Variants in HMGA2 observed in about 807,000 individuals in gnomAD.
The protein encoded by HMGA2 is high mobility group protein HMGI-C.
In HMGA2, 8 loss-of-function variants were observed where a neutral mutation model predicts 19.1. The observed-to-expected ratio is 0.42, with a 90% confidence interval of 0.25 to 0.76. HMGA2 has a LOEUF of 0.76. Among genes scored for constraint, HMGA2 ranks in the 30% least tolerant of loss-of-function variants. The probability of loss-of-function intolerance (pLI) is 0.28; values close to 1 mark genes in which losing one functional copy is unlikely to be tolerated. For synonymous variants in HMGA2, 60 were observed against 48.8 expected, an observed-to-expected ratio of 1.23 and a Z score of -0.96; for missense variants, 109 against 136.3, an observed-to-expected ratio of 0.80 and a Z score of 1.00.
intron 3 of HMGA2, chr12:65,851,512 T>C (rs1871463903): frequency 3.4e-6 from 1 of 294,990 alleles, no homozygotes; most frequent in Non-Finnish European, 6.9e-6. Context: ...CGAAACTCCA[T>C]CTCAAAAACA....
At chr12:65,949,514 A>G (rs963196602) in intron 3 of HMGA2, among the ~76,000 whole-genome samples, 1 of 152,044 alleles carries the variant, frequency 6.6e-6, no homozygotes, top group Admixed American at 6.6e-5. Flanking sequence ...ATGTGTAGAT[A>G]GAATAATACA....
chr12:65,932,949 A>T (rs958931851), intron 3 of HMGA2, among the ~76,000 whole-genome samples: 5 of 152,164 alleles, frequency 3.3e-5, no homozygotes, highest in African/African-American at 1.2e-4. Context: ...CATTCAAAAC[A>T]TCAGTGATTT....
chr12:65,909,795 T>C (rs1874765011), intron 3 of HMGA2, among the ~76,000 whole-genome samples: 1 of 152,198 alleles, frequency 6.6e-6, no homozygotes, highest in Admixed American at 6.5e-5. Flanking sequence ...CATAGTTTTA[T>C]ACCCTGCTTA....
Position 65,827,940 on chromosome 12 carries a change from C to A in HMGA2, c.112-61C>A, listed in dbSNP as rs1333210942. The A allele has an allele frequency of 1.6e-5, 19 of 1,166,112 alleles. No homozygotes were observed. The Admixed American group carries it at 3.0e-4, about 19-fold the overall frequency. 72.2% of individuals were successfully genotyped at this position (1,166,112 alleles called of 1,614,324 possible). On this transcript the variant is annotated intron_variant, in intron 1 of 4. Transcript: ENST00000403681. ...CATGCAGAAAATATAGCTAAAGAGT[C>A]AGGGTCAATTTCTTTCAGACATTCT...
intron 3 of HMGA2, among the ~76,000 whole-genome samples, chr12:65,911,427 G>A (rs1441903656): frequency 6.6e-6 from 1 of 152,146 alleles, no homozygotes; most frequent in East Asian, 1.9e-4. Flanking sequence ...GTCTTCCCTG[G>A]AAACAGGTGA....
chr12:65,833,460 G>T (rs145156878), intron 2 of HMGA2, among the ~76,000 whole-genome samples: 107 of 151,212 alleles, frequency 7.1e-4, no homozygotes, highest in Admixed American at 2.2e-3. Context: ...TGCAGTGGGG[G>T]ATTTCTGGCT....
intron 3 of HMGA2, among the ~76,000 whole-genome samples, chr12:65,868,401 G>A (rs986648342): frequency 1.3e-5 from 2 of 151,904 alleles, no homozygotes; most frequent in African/African-American, 4.8e-5. Context: ...TGGTTTTACA[G>A]AGCCCACAGA....
intron 3 of HMGA2, among the ~76,000 whole-genome samples, chr12:65,932,650 A>G (rs1254767283): frequency 2.0e-5 from 3 of 152,242 alleles, no homozygotes; most frequent in Non-Finnish European, 4.4e-5. Flanking sequence ...TTTGGTGATA[A>G]ATAGTGTGGA....
At chr12:65,928,388 A>C (rs1875590197) in intron 3 of HMGA2, among the ~76,000 whole-genome samples, 1 of 152,226 alleles carries the variant, frequency 6.6e-6, no homozygotes. Context: ...TCAGTGAGTG[A>C]GTGGTGAGTG....
chr12:65,842,545 C>T (rs1304764136), intron 3 of HMGA2: 1 of 1,389,124 alleles, frequency 7.2e-7, no homozygotes, highest in Admixed American at 2.0e-5. Flanking sequence ...TTAAGAACTG[C>T]TTATAAATAA....
At chr12:65,896,302 T>A (rs528306251) in intron 3 of HMGA2, among the ~76,000 whole-genome samples, 12 of 152,372 alleles carry the variant, frequency 7.9e-5, no homozygotes, top group East Asian at 5.8e-4. Context: ...CATTCCTCTC[T>A]GGAGTAGGCA....
At chr12:65,854,709 T>C (rs1186542044) in intron 3 of HMGA2, among the ~76,000 whole-genome samples, 1 of 152,254 alleles carries the variant, frequency 6.6e-6, no homozygotes, top group African/African-American at 2.4e-5. Context: ...TTAGCTATTC[T>C]TCCTGATGCT....
intron 3 of HMGA2, among the ~76,000 whole-genome samples, chr12:65,921,625 A>G (rs1160909637): frequency 6.6e-6 from 1 of 152,196 alleles, no homozygotes; most frequent in Non-Finnish European, 1.5e-5. Flanking sequence ...AAAAGAAAAA[A>G]ATCTCATTTT....
At chr12:65,864,638 T>C (rs1248427142) in intron 3 of HMGA2, among the ~76,000 whole-genome samples, 1 of 152,218 alleles carries the variant, frequency 6.6e-6, no homozygotes, top group Non-Finnish European at 1.5e-5. Flanking sequence ...AACATTACTA[T>C]TGTAATGTTC....
intron 3 of HMGA2, among the ~76,000 whole-genome samples, chr12:65,932,396 G>A (rs1875746191): frequency 6.6e-6 from 1 of 152,202 alleles, no homozygotes; most frequent in Non-Finnish European, 1.5e-5. Context: ...GACTTGTCAA[G>A]TGGCAAAGAT....
intron 3 of HMGA2, among the ~76,000 whole-genome samples, chr12:65,905,676 A>G (rs986213925): frequency 1.3e-5 from 2 of 152,228 alleles, no homozygotes; most frequent in South Asian, 4.1e-4. Context: ...GCACGCTTCT[A>G]CTTACATAAG....
chr12:65,841,470 TTC>T (rs1463008332), intron 3 of HMGA2, among the ~76,000 whole-genome samples: 1 of 152,242 alleles, frequency 6.6e-6, no homozygotes, highest in Non-Finnish European at 1.5e-5. Context: ...CTTGTATATC[TTC>T]TGTTGGGTAG....
At chr12:65,927,203 T>G (rs1875538731) in intron 3 of HMGA2, among the ~76,000 whole-genome samples, 1 of 152,230 alleles carries the variant, frequency 6.6e-6, no homozygotes, top group Admixed American at 6.5e-5. Context: ...GGGATGGCCA[T>G]GGGTGCCCAT....
chr12:65,894,626 T>C (rs1874049489), intron 3 of HMGA2, among the ~76,000 whole-genome samples: 3 of 152,246 alleles, frequency 2.0e-5, no homozygotes, highest in Admixed American at 6.5e-5. Context: ...AGTATGGCAA[T>C]TGCTTTTCAA....
Sources: allele counts gnomAD v4.1 joint callset (sites outside exome capture counted in the v4.1 genomes callset), GRCh38; gene constraint gnomAD v4.1.1; transcripts MANE v1.5; gene names NCBI Gene and HGNC (gene_info 2026-07-23, HGNC 2026-07-21).